The following RMDN2 variants were observed in gnomAD, a reference collection of about 807,000 sequenced individuals.
The protein encoded by RMDN2 is regulator of microtubule dynamics 2.
RMDN2 carries 61 observed loss-of-function variants against 52.8 expected under a neutral mutation model. The ratio of observed to expected loss-of-function variants is 1.16; its 90% confidence interval spans 0.94 to 1.43. The LOEUF is 1.43. RMDN2 is among the 40% of genes most tolerant of loss of function. The pLI, the probability that RMDN2 is intolerant of heterozygous loss-of-function variation, is 0.00. For synonymous variants in RMDN2, 180 were observed against 153.1 expected, an observed-to-expected ratio of 1.18 and a Z score of -1.30; for missense variants, 592 against 475.3, an observed-to-expected ratio of 1.25 and a Z score of -2.28.
chr2:37,950,961 T>G (rs1668702091), intron 2 of RMDN2, among the ~76,000 whole-genome samples: 1 of 152,090 alleles, frequency 6.6e-6, no homozygotes, highest in African/African-American at 2.4e-5. Context: ...CTTCCCTGAT[T>G]TTTTCAACTT....
chr2:38,024,733 A>T (rs746590221), intron 10 of RMDN2, among the ~76,000 whole-genome samples: 2 of 152,142 alleles, frequency 1.3e-5, no homozygotes, highest in Non-Finnish European at 2.9e-5. Flanking sequence ...CTTGCAATCT[A>T]TCTAATACTC....
At chr2:37,994,539 T>G (rs1675250544) in intron 7 of RMDN2, among the ~76,000 whole-genome samples, 1 of 152,218 alleles carries the variant, frequency 6.6e-6, no homozygotes, top group Non-Finnish European at 1.5e-5. Context: ...CCAGATCACA[T>G]TTCAATTACT....
At chr2:37,938,361 TTTG>T (rs1482828074) in intron 2 of RMDN2, among the ~76,000 whole-genome samples, 6 of 152,188 alleles carry the variant, frequency 3.9e-5, no homozygotes, top group African/African-American at 1.4e-4. Flanking sequence ...ATTTTCTTTT[TTTG>T]TTGTGTCTCT....
Position 37,952,297 on chromosome 2 carries a change from C to G in RMDN2, c.453-21743C>G, listed in dbSNP as rs752870878. 25 of 1,140,234 alleles carry G rather than the reference C, an allele frequency of 2.2e-5. No individual in the cohort carries two copies. In the East Asian group the frequency reaches 5.9e-4, roughly 27 times the overall value. 70.6% of individuals were successfully genotyped at this position (1,140,234 alleles called of 1,614,324 possible). On this transcript the variant is annotated intron_variant, in intron 2 of 10. Coordinates refer to ENST00000354545, the MANE Select transcript of RMDN2 (RefSeq NM_001170791.3). ...TGTAGAATTCATTTCTCATAACTCCCCTTTCCTCACAAAGCTTCACTGCAT... is the reference window on the plus strand; with the variant it reads ...TGTAGAATTCATTTCTCATAACTCCGCTTTCCTCACAAAGCTTCACTGCAT...
intron 10 of RMDN2, among the ~76,000 whole-genome samples, chr2:38,044,530 T>C (rs989138124): frequency 7.2e-5 from 11 of 152,028 alleles, no homozygotes; most frequent in African/African-American, 2.7e-4. Flanking sequence ...TTACACCTTC[T>C]ATAATTGCCT....
chr2:37,951,331 G>T, intron 2 of RMDN2: 15 of 1,612,988 alleles, frequency 9.3e-6, no homozygotes, highest in Non-Finnish European at 1.3e-5. Flanking sequence ...TCACAACCAA[G>T]TATATCTCTT....
intron 10 of RMDN2, among the ~76,000 whole-genome samples, chr2:38,010,190 C>T (rs1276629653): frequency 6.6e-6 from 1 of 152,190 alleles, no homozygotes; most frequent in Non-Finnish European, 1.5e-5. Flanking sequence ...TCTGTCCATT[C>T]TCAGATCTCC....
At chr2:38,028,360 C>T (rs1222814519) in intron 10 of RMDN2, among the ~76,000 whole-genome samples, 2 of 152,180 alleles carry the variant, frequency 1.3e-5, no homozygotes, top group African/African-American at 4.8e-5. Flanking sequence ...CATAGTACAT[C>T]TAGAATACTT....
Position 38,059,349 on chromosome 2 carries a change from A to G in RMDN2, c.1714-7633A>G, listed in dbSNP as rs529120977. On this transcript the variant is annotated intron_variant, in intron 10 of 10. Coordinates refer to the RMDN2 transcript ENST00000234195. ...TGAGTAGATTATTTGGGCAGTGATC[A>G]TACCATCAGAATTTAAAATATAATG... Among the ~76,000 whole-genome samples the G allele has an allele frequency of 6.6e-5, 10 of 152,348 alleles. No individual in the cohort carries two copies. In the East Asian group the frequency reaches 1.9e-3, roughly 29 times the overall value.
At chr2:37,986,251 A>G (rs143442488) in intron 5 of RMDN2, among the ~76,000 whole-genome samples, 12 of 152,324 alleles carry the variant, frequency 7.9e-5, no homozygotes, top group African/African-American at 2.9e-4. Flanking sequence ...ATTTCAAAAT[A>G]ACATGGTGAG....
At chr2:38,038,286 GGGC>G (rs1680729412) in intron 10 of RMDN2, among the ~76,000 whole-genome samples, 5 of 152,194 alleles carry the variant, frequency 3.3e-5, no homozygotes, top group African/African-American at 9.6e-5. Context: ...GTTCAAGCGA[GGGC>G]GGACGCCGAC....
At chr2:38,052,661 C>G (rs150046058) in intron 10 of RMDN2, among the ~76,000 whole-genome samples, 2 of 152,298 alleles carry the variant, frequency 1.3e-5, no homozygotes, top group Non-Finnish European at 2.9e-5. Context: ...TAATGATTCT[C>G]TATAGTCATG....
intron 10 of RMDN2, among the ~76,000 whole-genome samples, 196 bp from the exon 11 acceptor site, chr2:38,016,990 A>T (rs796305274): frequency 9.2e-5 from 14 of 152,198 alleles, no homozygotes; most frequent in African/African-American, 3.4e-4. Flanking sequence ...AAAAAAAAGA[A>T]AATTATTAAA....
rs567032773 is a variant in RMDN2 at position 37,940,997 on chromosome 2, A to G, written c.452+11268A>G. 3.4e-4 allele frequency among the ~76,000 whole-genome samples: 51 copies of G among 152,206 alleles called. 1 individual carries two copies. In the South Asian group the frequency reaches 3.9e-3, roughly 12 times the overall value. ...TTCTGGTTTTTGGAATTTTCAGCCT[A>G]TTGGCACTGGTTTTTCCTCATCTTC... On this transcript the variant is annotated intron_variant, in intron 2 of 10. Coordinates refer to ENST00000354545, the MANE Select transcript of RMDN2 (RefSeq NM_001170791.3).
At chr2:38,016,123 C>T (rs999872807) in intron 10 of RMDN2, among the ~76,000 whole-genome samples, 3 of 152,352 alleles carry the variant, frequency 2.0e-5, no homozygotes, top group South Asian at 2.1e-4. Context: ...GAGAGTAACA[C>T]ACTGTATCAG....
chr2:38,056,128 C>T lies in RMDN2; in HGVS notation c.1714-10854C>T, dbSNP rs147800628. Reference sequence around the variant, plus strand: ...ATATTTTATTACTGAGCACATAGGACGGGGCAGCACTGTGCCAGGCACCCG... The same window carrying T: ...ATATTTTATTACTGAGCACATAGGATGGGGCAGCACTGTGCCAGGCACCCG... On this transcript the variant is annotated intron_variant, in intron 10 of 10. Coordinates refer to the RMDN2 transcript ENST00000234195. Among the ~76,000 whole-genome samples, 295 of 152,286 alleles carry T rather than the reference C, an allele frequency of 1.9e-3. 4 individuals carry two copies. The highest frequency in any genetic ancestry group is 0.01 in the Middle Eastern group (3 of 294).
chr2:38,041,663 G>A (rs1680962701), intron 10 of RMDN2, among the ~76,000 whole-genome samples: 1 of 151,972 alleles, frequency 6.6e-6, no homozygotes, highest in African/African-American at 2.4e-5. Flanking sequence ...ATGAATGGGT[G>A]TTGGATTTTG....
chr2:38,013,936 G>C (rs557630010), intron 10 of RMDN2, among the ~76,000 whole-genome samples: 1 of 152,200 alleles, frequency 6.6e-6, no homozygotes, highest in Non-Finnish European at 1.5e-5. Context: ...GCCGGGCGTC[G>C]TGGCTCACGC....
intron 10 of RMDN2, among the ~76,000 whole-genome samples, chr2:38,034,211 C>T (rs942144550): frequency 6.6e-6 from 1 of 152,190 alleles, no homozygotes; most frequent in Admixed American, 6.5e-5. Flanking sequence ...GCTCTTATCC[C>T]ACTTCTGCTG....
Sources: allele counts gnomAD v4.1 joint callset (sites outside exome capture counted in the v4.1 genomes callset), GRCh38; gene constraint gnomAD v4.1.1; transcripts MANE v1.5; gene names NCBI Gene and HGNC (gene_info 2026-07-23, HGNC 2026-07-21).